PDE1C: variants seen among roughly 807,000 people sequenced by gnomAD.
PDE1C encodes the protein dual specificity calcium/calmodulin-dependent 3',5'-cyclic nucleotide phosphodiesterase 1C.
Under a neutral mutation model 93.1 loss-of-function variants are expected in PDE1C, and 62 were observed. The ratio of observed to expected loss-of-function variants is 0.67; its 90% CI spans 0.54 to 0.82. The LOEUF is 0.82. Among genes scored for constraint, PDE1C ranks in the 40% least tolerant of loss-of-function variants. The pLI is 0.00. For synonymous variants in PDE1C, 325 were observed against 310.1 expected (o/e 1.05, Z -0.50); for missense variants, 742 against 884.6 (o/e 0.84, Z 2.04).
chr7:31,853,839 A>G (rs1793655210), intron 7 of PDE1C, among the ~76,000 whole-genome samples: 2 of 150,970 alleles, frequency 1.3e-5, no homozygotes, highest in Non-Finnish European at 2.9e-5. Context: ...CCTCCCAAGT[A>G]AGGGCTGGGA....
At chr7:31,756,749 G>A (rs1321478660) in intron 17 of PDE1C, among the ~76,000 whole-genome samples, 1 of 152,114 alleles carries the variant, frequency 6.6e-6, no homozygotes, top group East Asian at 1.9e-4. Flanking sequence ...GTGAGATAAT[G>A]TCAACATGAA....
chr7:32,253,679 T>C (rs911998367), intron 1 of PDE1C, among the ~76,000 whole-genome samples: 6 of 152,218 alleles, frequency 3.9e-5, no homozygotes, highest in Non-Finnish European at 5.9e-5. Flanking sequence ...GCATAAGCAA[T>C]GTGCCAGGCA....
chr7:32,153,133 T>C (rs1801364754), intron 3 of PDE1C, among the ~76,000 whole-genome samples: 1 of 152,212 alleles, frequency 6.6e-6, no homozygotes, highest in Non-Finnish European at 1.5e-5. Flanking sequence ...CAGCAGGCTT[T>C]TGAAAGCTTC....
intron 16 of PDE1C, among the ~76,000 whole-genome samples, chr7:31,781,420 G>A (rs943657439): frequency 4.7e-5 from 1 of 21,266 alleles, no homozygotes; most frequent in African/African-American, 7.0e-5. Context: ...CAACTTATTG[G>A]CCATTTTCAA....
At chr7:31,654,613 A>G in the PDE1C span, among the ~76,000 whole-genome samples, 2 of 152,172 alleles carry the variant, frequency 1.3e-5, no homozygotes, top group Admixed American at 6.5e-5. Context: ...AGTTGCTTCT[A>G]TTCAGCCTTG....
intron 16 of PDE1C, chr7:31,783,613 T>C (rs1783622408): frequency 6.6e-6 from 1 of 152,018 alleles, no homozygotes; most frequent in Non-Finnish European, 1.5e-5. Flanking sequence ...AAATTATACA[T>C]TGAAGGACTG....
intron 1 of PDE1C, among the ~76,000 whole-genome samples, chr7:32,283,179 G>A (rs1811784277): frequency 6.6e-6 from 1 of 152,138 alleles, no homozygotes; most frequent in African/African-American, 2.4e-5. Context: ...TAGAGGACCA[G>A]CTAAATCAAT....
chr7:32,150,483 T>C (rs1318510351), intron 3 of PDE1C, among the ~76,000 whole-genome samples: 3 of 152,150 alleles, frequency 2.0e-5, no homozygotes, highest in Admixed American at 1.3e-4. Flanking sequence ...AAAGATGATC[T>C]TCCAAGATGA....
intron 2 of PDE1C, among the ~76,000 whole-genome samples, chr7:31,906,003 T>C (rs919943235): frequency 3.9e-5 from 6 of 152,288 alleles, no homozygotes; most frequent in African/African-American, 1.4e-4. Flanking sequence ...TCCCCCATGA[T>C]TGTAAGTTTC....
At chr7:31,968,845 A>G (rs989508261) in intron 2 of PDE1C, among the ~76,000 whole-genome samples, 1 of 152,212 alleles carries the variant, frequency 6.6e-6, no homozygotes, top group Admixed American at 6.5e-5. Context: ...CAACTATCTG[A>G]TCTTTGACAA....
chr7:32,232,606 C>T (rs1242823000), intron 1 of PDE1C, among the ~76,000 whole-genome samples: 2 of 152,194 alleles, frequency 1.3e-5, no homozygotes, highest in East Asian at 3.9e-4. Flanking sequence ...ACCCAAAACA[C>T]ATGAGGGACA....
chr7:31,637,746 TC>T, the PDE1C span, among the ~76,000 whole-genome samples: 2 of 152,214 alleles, frequency 1.3e-5, no homozygotes, highest in African/African-American at 4.8e-5. Flanking sequence ...TTTGATTAGA[TC>T]CCATTTGTCA....
chr7:32,374,932 CTGAT>C (rs1784409847), intron 1 of PDE1C, among the ~76,000 whole-genome samples: 1 of 152,144 alleles, frequency 6.6e-6, no homozygotes, highest in African/African-American at 2.4e-5. Context: ...CACAACAACT[CTGAT>C]GGTGGACAAG....
chr7:31,881,099 T>A (rs1797200559), intron 2 of PDE1C, among the ~76,000 whole-genome samples: 1 of 152,244 alleles, frequency 6.6e-6, no homozygotes, highest in Non-Finnish European at 1.5e-5. Context: ...TCTAGCTAGC[T>A]TTTATCTTTA....
chr7:32,083,498 G>A (rs1796851754), intron 3 of PDE1C, among the ~76,000 whole-genome samples: 1 of 152,074 alleles, frequency 6.6e-6, no homozygotes, highest in African/African-American at 2.4e-5. Context: ...GAAATACAGA[G>A]AATGCCACAA....
intron 2 of PDE1C, among the ~76,000 whole-genome samples, chr7:31,942,867 T>G (rs1246566916): frequency 6.6e-6 from 1 of 152,170 alleles, no homozygotes; most frequent in East Asian, 1.9e-4. Context: ...AGGGAAATAT[T>G]TTTCTGCTGA....
rs1403714502 is a variant in PDE1C at position 31,794,073 on chromosome 7, C to CAGATAGATAGATAGATAGATAGATAGAT, written c.1891+14957_1891+14958insATCTATCTATCTATCTATCTATCTATCT. Among the ~76,000 whole-genome samples the CAGATAGATAGATAGATAGATAGATAGAT allele has an allele frequency of 4.3e-4, 58 of 134,122 alleles. 1 individual carries two copies. The highest frequency in any genetic ancestry group is 2.8e-4 in the African/African-American group (10 of 35,172). The allele number at this position is 134,122 out of a possible 152,430, so 88.0% of individuals were successfully genotyped here. ...ACAGACAGACAGACAGACAGACAGA[C>CAGATAGATAGATAGATAGATAGATAGAT]AGACAGACAGACAGACAGATAGATA... On this transcript the variant is annotated intron_variant, in intron 16 of 17. Transcript: ENST00000396191.
At chr7:32,112,623 CT>C (rs11367872) in intron 3 of PDE1C, among the ~76,000 whole-genome samples, 95,375 of 141,012 alleles carry the variant, frequency 0.68, 32,786 homozygotes, top group Middle Eastern at 0.78. Flanking sequence ...CATCTAGCTG[CT>C]TTTTTTTTTT....
chr7:32,073,813 G>C (rs1451731268), upstream of PDE1C, among the ~76,000 whole-genome samples: 2 of 152,162 alleles, frequency 1.3e-5, no homozygotes, highest in Non-Finnish European at 2.9e-5. Context: ...ATTCTGCTCA[G>C]AGGCAAGCAA....
Sources: gnomAD v4.1 joint callset for allele counts (sites outside exome capture counted in the v4.1 genomes callset) on GRCh38, gnomAD v4.1.1 for gene constraint, MANE v1.5 for transcripts, NCBI Gene and HGNC (gene_info 2026-07-23, HGNC 2026-07-21) for gene names.